The following LHFPL3 variants were observed in gnomAD, a reference collection of about 807,000 sequenced individuals.
LHFPL3 encodes the protein LHFPL tetraspan subfamily member 3 protein.
A neutral mutation model predicts 19.3 loss-of-function variants in LHFPL3; 5 were observed. The ratio of observed to expected loss-of-function variants is 0.26; its 90% confidence interval spans 0.14 to 0.54. The LOEUF (loss-of-function observed/expected upper bound fraction) is 0.54. Ranked by LOEUF, LHFPL3 falls within the 20% of genes least tolerant of loss-of-function variation. LHFPL3 has a pLI of 0.94. For missense variants in LHFPL3, 249 were observed against 307.4 expected, an observed-to-expected ratio of 0.81 and a Z score of 1.42; for synonymous variants, 133 against 126.2, an observed-to-expected ratio of 1.05 and a Z score of -0.36.
chr7:104,436,208 AT>A (rs1024563789), intron 1 of LHFPL3, among the ~76,000 whole-genome samples: 71 of 152,242 alleles, frequency 4.7e-4, no homozygotes, highest in African/African-American at 1.5e-3. Context: ...ACCTTAAAAT[AT>A]TTTTTAATGA....
chr7:104,461,786 A>C (rs899562016), intron 1 of LHFPL3, among the ~76,000 whole-genome samples: 2 of 152,150 alleles, frequency 1.3e-5, no homozygotes, highest in East Asian at 1.9e-4. Flanking sequence ...AGTTCTGTGA[A>C]GAATGTCATT....
intron 2 of LHFPL3, chr7:104,768,626 T>C (rs748544784): frequency 3.9e-5 from 6 of 152,172 alleles, no homozygotes; most frequent in Non-Finnish European, 7.3e-5. Context: ...CTGGCAGTTT[T>C]CAGACAATGA....
rs150824648 is a variant in LHFPL3 at position 104,353,115 on chromosome 7, C to T, written c.445+23891C>T. Among the ~76,000 whole-genome samples the T allele has an allele frequency of 1.8e-3, 276 of 152,172 alleles. 2 individuals carry two copies. Among genetic ancestry groups the T allele is most frequent in the African/African-American group, 6.0e-3 (251 of 41,496 alleles). On this transcript the variant is annotated intron_variant, in intron 1 of 2. Coordinates refer to ENST00000424859, the MANE Select transcript of LHFPL3 (RefSeq NM_199000.3). ...TATGTATAAGGAAGCACTAAAGCCC[C>T]GACATGTTCATGAAACCAGACATTT...
At chr7:104,463,314 A>G (rs1792712865) in intron 1 of LHFPL3, among the ~76,000 whole-genome samples, 1 of 152,100 alleles carries the variant, frequency 6.6e-6, no homozygotes, top group Admixed American at 6.6e-5. Flanking sequence ...CTAATTCTTT[A>G]AGATGTGATA....
At chr7:104,362,543 C>G (rs1009509350) in intron 1 of LHFPL3, among the ~76,000 whole-genome samples, 4 of 152,198 alleles carry the variant, frequency 2.6e-5, no homozygotes, top group Non-Finnish European at 4.4e-5. Flanking sequence ...TGATCCAGGT[C>G]TGCCTAACAG....
At chr7:104,426,456 A>T (rs1316388750) in intron 1 of LHFPL3, among the ~76,000 whole-genome samples, 1 of 152,060 alleles carries the variant, frequency 6.6e-6, no homozygotes, top group Non-Finnish European at 1.5e-5. Flanking sequence ...GGGTTTCTCC[A>T]TGTTGGTCAG....
At chr7:104,772,879 T>TGCACAGAATAA (rs1794577185) in intron 2 of LHFPL3, among the ~76,000 whole-genome samples, 1 of 152,252 alleles carries the variant, frequency 6.6e-6, no homozygotes, top group Non-Finnish European at 1.5e-5. Context: ...TTGGCTAACA[T>TGCACAGAATAA]TAACTTTATT....
intron 1 of LHFPL3, among the ~76,000 whole-genome samples, chr7:104,344,231 G>T (rs988831534): frequency 1.3e-5 from 2 of 152,060 alleles, no homozygotes; most frequent in African/African-American, 2.4e-5. Flanking sequence ...TACATCATGT[G>T]ACTTGATGCT....
At chr7:104,601,456 A>G (rs1215716765) in intron 1 of LHFPL3, among the ~76,000 whole-genome samples, 1 of 152,236 alleles carries the variant, frequency 6.6e-6, no homozygotes, top group Admixed American at 6.5e-5. Context: ...TAAGGTCCTT[A>G]GATCATGAAG....
chr7:104,889,720 T>C (rs1190689757), intron 2 of LHFPL3, among the ~76,000 whole-genome samples: 3 of 152,214 alleles, frequency 2.0e-5, no homozygotes, highest in Middle Eastern at 3.2e-3. Flanking sequence ...GTCATCTTTA[T>C]ATGAACAAAG....
At chr7:104,806,164 G>A (rs945418902) in intron 2 of LHFPL3, among the ~76,000 whole-genome samples, 4 of 152,178 alleles carry the variant, frequency 2.6e-5, no homozygotes, top group Admixed American at 2.6e-4. Context: ...AAGATTGGAG[G>A]GAAGCTCACT....
chr7:104,345,790 G>A (rs1790053065), intron 1 of LHFPL3, among the ~76,000 whole-genome samples: 1 of 151,954 alleles, frequency 6.6e-6, no homozygotes, highest in Non-Finnish European at 1.5e-5. Context: ...AATAGATGAT[G>A]CTCCTAGATA....
intron 1 of LHFPL3, among the ~76,000 whole-genome samples, chr7:104,515,274 T>C (rs909390117): frequency 7.2e-5 from 11 of 152,204 alleles, no homozygotes; most frequent in Non-Finnish European, 1.5e-4. Flanking sequence ...TTCCCTGAGA[T>C]GTTTCACTCT....
chr7:104,516,249 A>C (rs1793918834), intron 1 of LHFPL3, among the ~76,000 whole-genome samples: 2 of 152,034 alleles, frequency 1.3e-5, no homozygotes, highest in South Asian at 4.1e-4. Flanking sequence ...AAACCATCAG[A>C]TTTTGTGAGA....
chr7:104,583,249 G>C (rs1343211844), intron 1 of LHFPL3, among the ~76,000 whole-genome samples: 3 of 152,120 alleles, frequency 2.0e-5, no homozygotes, highest in Non-Finnish European at 4.4e-5. Context: ...GGGAAAACTG[G>C]CTAGCCACAT....
chr7:104,516,907 G>A (rs759500672), intron 1 of LHFPL3, among the ~76,000 whole-genome samples: 5 of 152,264 alleles, frequency 3.3e-5, no homozygotes, highest in Non-Finnish European at 5.9e-5. Context: ...AATGCCCATC[G>A]ATGGTAGACT....
intron 1 of LHFPL3, among the ~76,000 whole-genome samples, chr7:104,419,341 G>A (rs1791683652): frequency 6.6e-6 from 1 of 152,162 alleles, no homozygotes; most frequent in Non-Finnish European, 1.5e-5. Flanking sequence ...TTATGGGAAA[G>A]AGAGATAATA....
At chr7:104,422,605 A>G (rs1206519613) in intron 1 of LHFPL3, among the ~76,000 whole-genome samples, 2 of 152,180 alleles carry the variant, frequency 1.3e-5, no homozygotes, top group African/African-American at 4.8e-5. Flanking sequence ...CCTGGGCTTG[A>G]ATTTCAAGTC....
chr7:104,669,418 G>C, intron 1 of LHFPL3: 1 of 1,613,600 alleles, frequency 6.2e-7, no homozygotes, highest in Non-Finnish European at 8.5e-7. Context: ...GAAGGAGTCA[G>C]ATAGGAAAGA....
Sources: gnomAD v4.1 joint callset for allele counts (sites outside exome capture counted in the v4.1 genomes callset) on GRCh38, gnomAD v4.1.1 for gene constraint, MANE v1.5 for transcripts, NCBI Gene and HGNC (gene_info 2026-07-23, HGNC 2026-07-21) for gene names.